The following CPNE4 variants were observed in gnomAD, a reference collection of about 807,000 sequenced individuals.
CPNE4 encodes copine-4.
CPNE4 carries 25 observed loss-of-function variants against 67.9 expected under a neutral mutation model. That is an observed-to-expected ratio of 0.37 (90% CI 0.27 to 0.51). The LOEUF (loss-of-function observed/expected upper bound fraction) is 0.51. Among genes scored for constraint, CPNE4 ranks in the 20% least tolerant of loss-of-function variants. The pLI is 0.93. For missense variants in CPNE4, 464 were observed against 690.8 expected (o/e 0.67, Z 3.68); for synonymous variants, 242 against 244.9 (o/e 0.99, Z 0.11).
chr3:131,934,497 G>T (rs1206748637), intron 1 of CPNE4, among the ~76,000 whole-genome samples: 1 of 152,042 alleles, frequency 6.6e-6, no homozygotes, highest in Non-Finnish European at 1.5e-5. Flanking sequence ...ATGTGCCATG[G>T]TGCTTTGCTG....
chr3:131,776,373 C>T (rs2083291279), intron 2 of CPNE4, among the ~76,000 whole-genome samples: 1 of 152,044 alleles, frequency 6.6e-6, no homozygotes, highest in South Asian at 2.1e-4. Flanking sequence ...AATTTGAGTC[C>T]AGGACCTATA....
chr3:131,721,382 T>A, intron 3 of CPNE4, among the ~76,000 whole-genome samples: 1 of 140,942 alleles, frequency 7.1e-6, no homozygotes, highest in East Asian at 2.1e-4. Context: ...TCCACATGAT[T>A]CCCACACGGA....
intron 7 of CPNE4, among the ~76,000 whole-genome samples, chr3:131,652,786 T>G (rs1183398205): frequency 1.3e-5 from 2 of 152,222 alleles, no homozygotes; most frequent in South Asian, 2.1e-4. Flanking sequence ...ATCAAACTTA[T>G]GTAGGCAACT....
Position 131,552,497 on chromosome 3 carries a change from C to CA in CPNE4, c.1117-7dup. ...ATTGCAAAGTCATGAGAGACCTAGA[C>CA]ACCGATTAAAATTTAAAAAACAGGA... On this transcript the variant is annotated splice_region_variant and splice_polypyrimidine_tract_variant and intron_variant, in intron 12 of 15. Coordinates refer to ENST00000429747, the MANE Select transcript of CPNE4 (RefSeq NM_130808.3). The CA allele has an allele frequency of 6.2e-7, 1 of 1,610,868 alleles. No homozygotes were observed. The highest frequency in any genetic ancestry group is 8.5e-7 in the Non-Finnish European group (1 of 1,177,704).
chr3:131,861,402 T>TTG (rs5852659), intron 2 of CPNE4, among the ~76,000 whole-genome samples: 1,532 of 144,506 alleles, frequency 0.011, 27 homozygotes, highest in African/African-American at 0.028. Context: ...TATCTCATCT[T>TTG]TGTGTGTGTG....
chr3:131,978,105 ATATAAAATATATATAAATATATATATT>A, intron 1 of CPNE4, among the ~76,000 whole-genome samples: 1 of 69,748 alleles, frequency 1.4e-5, no homozygotes. Context: ...ATATAAATAT[ATATAAAATATATATAAATATATATATT>A]TATATAAATA....
chr3:131,541,482 T>G (rs1582753742), intron 15 of CPNE4, among the ~76,000 whole-genome samples: 1 of 152,058 alleles, frequency 6.6e-6, no homozygotes, highest in Non-Finnish European at 1.5e-5. Flanking sequence ...TTCTTACTGG[T>G]AAGAGCCCAA....
At chr3:131,687,207 C>G (rs4854829) in intron 5 of CPNE4, among the ~76,000 whole-genome samples, 3 of 152,070 alleles carry the variant, frequency 2.0e-5, no homozygotes, top group South Asian at 2.1e-4. Flanking sequence ...TGTAAAATAA[C>G]TAAGTGCTTC....
intron 7 of CPNE4, among the ~76,000 whole-genome samples, chr3:131,609,618 C>T (rs150684404): frequency 3.3e-5 from 5 of 152,152 alleles, no homozygotes; most frequent in African/African-American, 7.2e-5. Flanking sequence ...TACTAAGCCA[C>T]TGAGAATTTA....
In CPNE4 at chr3:132,024,830, T is replaced by G. The variant is rs921944067; in HGVS notation, c.-2+9737A>C. Among the ~76,000 whole-genome samples the G allele has an allele frequency of 2.6e-5, 4 of 152,202 alleles. No individual in the cohort carries two copies. The East Asian group carries it at 7.7e-4, about 29-fold the overall frequency. ...CCTGGCAGATGGCAAATGTCATAGGTGCTCAGTAAATGCCAGATCCCTTTC... is the reference window on the plus strand; with the variant it reads ...CCTGGCAGATGGCAAATGTCATAGGGGCTCAGTAAATGCCAGATCCCTTTC... On this transcript the variant is annotated intron_variant, in intron 1 of 15. Coordinates refer to ENST00000429747, the MANE Select transcript of CPNE4 (RefSeq NM_130808.3).
At chr3:131,975,814 G>A (rs1220607828) in intron 1 of CPNE4, among the ~76,000 whole-genome samples, 1 of 151,986 alleles carries the variant, frequency 6.6e-6, no homozygotes, top group South Asian at 2.1e-4. Context: ...AGTGTACGCA[G>A]AACTTATCCA....
intron 3 of CPNE4, among the ~76,000 whole-genome samples, chr3:131,720,284 G>GT (rs60028328): frequency 0.03 from 3,262 of 107,940 alleles, 102 homozygotes; most frequent in African/African-American, 0.071. Flanking sequence ...ACAGGAATGG[G>GT]TTTTTTTTTT....
At chr3:131,716,379 T>C (rs1030591343) in intron 3 of CPNE4, among the ~76,000 whole-genome samples, 1 of 152,128 alleles carries the variant, frequency 6.6e-6, no homozygotes, top group Non-Finnish European at 1.5e-5. Flanking sequence ...CCCCAAATTA[T>C]TTCAGAGACC....
intron 6 of CPNE4, among the ~76,000 whole-genome samples, chr3:131,678,566 G>T (rs888676412): frequency 1.3e-5 from 2 of 152,146 alleles, no homozygotes; most frequent in East Asian, 1.9e-4. Context: ...GATGTTGTCT[G>T]TGGGTTTGTC....
At chr3:131,891,040 G>A (rs1162151723) in intron 2 of CPNE4, among the ~76,000 whole-genome samples, 1 of 152,032 alleles carries the variant, frequency 6.6e-6, no homozygotes, top group African/African-American at 2.4e-5. Flanking sequence ...TAATAATAAG[G>A]TATTGTGTAC....
chr3:131,920,184 A>G (rs141906646), intron 1 of CPNE4, among the ~76,000 whole-genome samples: 1 of 152,234 alleles, frequency 6.6e-6, no homozygotes, highest in African/African-American at 2.4e-5. Context: ...CAGGCCCACT[A>G]TTCTCCAGAC....
At chr3:131,747,215 C>A (rs1406719746) in intron 2 of CPNE4, among the ~76,000 whole-genome samples, 1 of 151,322 alleles carries the variant, frequency 6.6e-6, no homozygotes, top group Non-Finnish European at 1.5e-5. Flanking sequence ...ACTATTTTCT[C>A]CCATTCTATG....
chr3:131,549,441 G>A (rs1205752273), intron 14 of CPNE4, among the ~76,000 whole-genome samples: 2 of 152,004 alleles, frequency 1.3e-5, no homozygotes, highest in African/African-American at 4.8e-5. Flanking sequence ...TCAAACTCTG[G>A]TCTTGGTTTG....
At chr3:131,770,885 T>TAG (rs1178936045) in intron 2 of CPNE4, among the ~76,000 whole-genome samples, 1 of 152,208 alleles carries the variant, frequency 6.6e-6, no homozygotes, top group Non-Finnish European at 1.5e-5. Flanking sequence ...AGCTATGTGC[T>TAG]AGAGTTGTGT....
Sources: allele counts gnomAD v4.1 joint callset (sites outside exome capture counted in the v4.1 genomes callset), GRCh38; gene constraint gnomAD v4.1.1; transcripts MANE v1.5; gene names NCBI Gene and HGNC (gene_info 2026-07-23, HGNC 2026-07-21).